The following RHOA variants were observed in gnomAD, a reference collection of about 807,000 sequenced individuals.
The protein encoded by RHOA is ras homolog family member A, also known as transforming protein RhoA.
In RHOA, 3 loss-of-function variants were observed where a neutral mutation model predicts 17.5. The ratio of observed to expected loss-of-function variants is 0.17; its 90% CI spans 0.08 to 0.44. The LOEUF is 0.44. RHOA is among the 20% of genes least tolerant of loss of function. The probability of loss-of-function intolerance (pLI) is 0.99; values close to 1 mark genes in which losing one functional copy is unlikely to be tolerated. For synonymous variants in RHOA, 98 were observed against 88.4 expected (o/e 1.11, Z -0.61); for missense variants, 56 against 242.3 (o/e 0.23, Z 5.10).
chr3:49,401,482 T>C (rs2048723758), intron 1 of RHOA, among the ~76,000 whole-genome samples: 1 of 148,330 alleles, frequency 6.7e-6, no homozygotes, highest in Non-Finnish European at 1.5e-5. Context: ...GCGAAACCTC[T>C]GGGAGGCAAA....
At chr3:49,408,773 G>C (rs1188647976) in intron 1 of RHOA, among the ~76,000 whole-genome samples, 1 of 150,644 alleles carries the variant, frequency 6.6e-6, no homozygotes, top group Non-Finnish European at 1.5e-5. Context: ...AAATGGCAGA[G>C]TCAGACAAAA....
intron 1 of RHOA, among the ~76,000 whole-genome samples, chr3:49,398,363 T>G (rs1215580714): frequency 6.7e-6 from 1 of 150,060 alleles, no homozygotes; most frequent in Non-Finnish European, 1.5e-5. Flanking sequence ...AAAAAAAAAG[T>G]AAGATCTAAA....
At chr3:49,389,321 A>G (rs997378714) in intron 1 of RHOA, among the ~76,000 whole-genome samples, 3 of 152,058 alleles carry the variant, frequency 2.0e-5, no homozygotes, top group African/African-American at 7.2e-5. Flanking sequence ...TCTCCAAAAA[A>G]AAAAAGGAGC....
At chr3:49,393,076 T>G (rs2107882980) in intron 1 of RHOA, among the ~76,000 whole-genome samples, 1 of 152,136 alleles carries the variant, frequency 6.6e-6, no homozygotes, top group South Asian at 2.1e-4. Context: ...CCTGAGAGGC[T>G]GAGGCAGGAG....
intron 1 of RHOA, among the ~76,000 whole-genome samples, chr3:49,406,425 A>C (rs1395210639): frequency 6.6e-6 from 1 of 152,226 alleles, no homozygotes; most frequent in Non-Finnish European, 1.5e-5. Context: ...CAAAACAAGC[A>C]ACTTTTTTAA....
At chr3:49,372,467 G>A (rs568216018) in intron 2 of RHOA, among the ~76,000 whole-genome samples, 71 of 152,284 alleles carry the variant, frequency 4.7e-4, no homozygotes, top group African/African-American at 1.7e-3. Flanking sequence ...TAGGACGGGC[G>A]CAGTGGCTCA....
chr3:49,379,157 T>A (rs928460093), intron 1 of RHOA, among the ~76,000 whole-genome samples: 16 of 152,190 alleles, frequency 1.1e-4, no homozygotes, highest in Middle Eastern at 6.8e-3. Context: ...CAACAACTGA[T>A]GAATATAATA....
At chr3:49,409,324 G>C (rs1394595133) in intron 1 of RHOA, among the ~76,000 whole-genome samples, 1 of 152,064 alleles carries the variant, frequency 6.6e-6, no homozygotes, top group African/African-American at 2.4e-5. Context: ...GAACCCAGGA[G>C]GCAGACGGTG....
At position 49,368,196 on chromosome 3, in the gene RHOA, A is replaced by C. The variant is rs1260264563; in HGVS notation, c.277+232T>G. ...CCAAAGCGCAGGGATTATAGGTGTCAGGCACCGTGCCCTGCCTAGGTGGAT... is the reference window on the plus strand; with the variant it reads ...CCAAAGCGCAGGGATTATAGGTGTCCGGCACCGTGCCCTGCCTAGGTGGAT... On this transcript the variant is annotated intron_variant, in intron 3 of 4. Coordinates refer to ENST00000418115, the MANE Select transcript of RHOA (RefSeq NM_001664.4). Among the ~76,000 whole-genome samples the C allele has an allele frequency of 2.0e-5, 3 of 152,148 alleles. 1 individual carries two copies. The South Asian group carries it at 6.2e-4, about 32-fold the overall frequency.
intron 1 of RHOA, among the ~76,000 whole-genome samples, chr3:49,383,481 T>C (rs1214144933): frequency 6.6e-6 from 1 of 152,114 alleles, no homozygotes; most frequent in African/African-American, 2.4e-5. Context: ...ACAATATTTG[T>C]TCCAGTATTG....
intron 3 of RHOA, among the ~76,000 whole-genome samples, chr3:49,364,687 A>T (rs908234182): frequency 2.6e-5 from 4 of 152,022 alleles, no homozygotes; most frequent in Non-Finnish European, 5.9e-5. Flanking sequence ...TAAATAAATA[A>T]AAATAAATAG....
chr3:49,389,217 T>C (rs1198388187), intron 1 of RHOA, among the ~76,000 whole-genome samples: 1 of 151,426 alleles, frequency 6.6e-6, no homozygotes, highest in Non-Finnish European at 1.5e-5. Context: ...CCTGGTGGCG[T>C]CCACCTGTAA....
At chr3:49,389,664 G>A (rs953088593) in intron 1 of RHOA, among the ~76,000 whole-genome samples, 4 of 152,136 alleles carry the variant, frequency 2.6e-5, no homozygotes, top group Non-Finnish European at 4.4e-5. Flanking sequence ...TACAGAAGCC[G>A]GGCGCGGTGG....
At chr3:49,375,688 C>A in intron 1 of RHOA, 97 bp from the exon 2 acceptor site, 1 of 1,270,766 alleles carries the variant, frequency 7.9e-7, no homozygotes, top group Non-Finnish European at 1.1e-6. Flanking sequence ...GCATAAACCT[C>A]TATTAGCATA....
chr3:49,369,539 C>T (rs566919479), intron 2 of RHOA, among the ~76,000 whole-genome samples: 9 of 149,982 alleles, frequency 6.0e-5, no homozygotes, highest in African/African-American at 2.2e-4. Flanking sequence ...TCGAGACCAG[C>T]CTGGGCAACA....
At chr3:49,383,758 G>A (rs1330725583) in intron 1 of RHOA, among the ~76,000 whole-genome samples, 1 of 152,144 alleles carries the variant, frequency 6.6e-6, no homozygotes, top group African/African-American at 2.4e-5. Context: ...AGCCAGGCAC[G>A]GTGGCTCACG....
intron 1 of RHOA, among the ~76,000 whole-genome samples, chr3:49,384,981 T>C (rs2048372962): frequency 6.6e-6 from 1 of 151,644 alleles, no homozygotes; most frequent in South Asian, 2.1e-4. Context: ...GAGAATTGTT[T>C]GAACCTGGGA....
chr3:49,382,181 T>G (rs967859670), intron 1 of RHOA, among the ~76,000 whole-genome samples: 2 of 151,566 alleles, frequency 1.3e-5, no homozygotes, highest in African/African-American at 4.9e-5. Flanking sequence ...TAGCCAGGCG[T>G]CGTGAAGGGC....
chr3:49,382,476 A>G (rs960688379), intron 1 of RHOA, among the ~76,000 whole-genome samples: 2 of 152,016 alleles, frequency 1.3e-5, no homozygotes, highest in East Asian at 1.9e-4. Flanking sequence ...CTCTACCCAA[A>G]ATACAAAAAA....
Sources: gnomAD v4.1 joint callset for allele counts (sites outside exome capture counted in the v4.1 genomes callset) on GRCh38, gnomAD v4.1.1 for gene constraint, MANE v1.5 for transcripts, NCBI Gene and HGNC (gene_info 2026-07-23, HGNC 2026-07-21) for gene names.